The following ADAMTSL1 variants were observed in gnomAD, a reference collection of about 807,000 sequenced individuals.
ADAMTSL1 encodes the protein ADAMTS like 1.
ADAMTSL1 carries 126 observed loss-of-function variants against 201.8 expected under a neutral mutation model. The observed-to-expected ratio is 0.62, with a 90% CI of 0.54 to 0.72. The LOEUF is 0.72. ADAMTSL1 is among the 30% of genes least tolerant of loss of function. The pLI, the probability that ADAMTSL1 is intolerant of heterozygous loss-of-function variation, is 0.00. For synonymous variants in ADAMTSL1, 1,121 were observed against 903.4 expected, an observed-to-expected ratio of 1.24 and a Z score of -4.32; for missense variants, 2,679 against 2,277.8, an observed-to-expected ratio of 1.18 and a Z score of -3.59.
At chr9:18,000,573 A>G (rs1357425218) in intron 1 of ADAMTSL1, among the ~76,000 whole-genome samples, 1 of 151,994 alleles carries the variant, frequency 6.6e-6, no homozygotes, top group Non-Finnish European at 1.5e-5. Flanking sequence ...GCTTCTAGGA[A>G]TTTATAGGTG....
rs139460537 is a variant in ADAMTSL1 at position 18,613,584 on chromosome 9, C to T, written c.475-8659C>T. On this transcript the variant is annotated intron_variant, in intron 4 of 28. Transcript: ENST00000380548. ...GCAGGGACATGAATGGAGCTGGAGG[C>T]CATTATCCTTAACAAACTGACACAA... 9.2e-5 allele frequency among the ~76,000 whole-genome samples: 14 copies of T among 152,170 alleles called. No individual in the cohort carries two copies. The East Asian group carries it at 2.5e-3, about 27-fold the overall frequency.
In ADAMTSL1 at chr9:18,588,671, A is replaced by G. The variant is rs368463120; in HGVS notation, c.474+14405A>G. Among the ~76,000 whole-genome samples, 12 of 151,686 alleles carry G rather than the reference A, an allele frequency of 7.9e-5. No homozygotes were observed. The South Asian group carries it at 1.9e-3, about 24-fold the overall frequency. On this transcript the variant is annotated intron_variant, in intron 4 of 28. Coordinates refer to ENST00000380548, the MANE Select transcript of ADAMTSL1 (RefSeq NM_001040272.6). Reference sequence around the variant, plus strand: ...TGGGGCTCTAATTTTATTCTTCTGCATATTGATATCCAGTTTTCCCAGAAC... The same window carrying G: ...TGGGGCTCTAATTTTATTCTTCTGCGTATTGATATCCAGTTTTCCCAGAAC...
At chr9:18,358,352 T>C (rs1291582721) in intron 2 of ADAMTSL1, among the ~76,000 whole-genome samples, 3 of 152,158 alleles carry the variant, frequency 2.0e-5, no homozygotes, top group South Asian at 2.1e-4. Context: ...ATTAAGAACA[T>C]TTTTGCATTT....
intron 1 of ADAMTSL1, among the ~76,000 whole-genome samples, chr9:18,483,645 G>A (rs1258607730): frequency 6.6e-6 from 1 of 152,150 alleles, no homozygotes; most frequent in Non-Finnish European, 1.5e-5. Flanking sequence ...CGCTAACACG[G>A]TGAAACCCTA....
At chr9:18,500,839 T>C (rs777809519) in intron 1 of ADAMTSL1, among the ~76,000 whole-genome samples, 21 of 152,234 alleles carry the variant, frequency 1.4e-4, no homozygotes, top group Non-Finnish European at 2.5e-4. Context: ...AAGAACTTAA[T>C]AGTTGTTCTT....
At chr9:18,424,224 G>A (rs1434594543) in intron 2 of ADAMTSL1, among the ~76,000 whole-genome samples, 1 of 152,180 alleles carries the variant, frequency 6.6e-6, no homozygotes, top group South Asian at 2.1e-4. Flanking sequence ...ACTCTCTGAT[G>A]ACCCTCTCAG....
At chr9:18,249,580 T>C (rs1004141021) in intron 2 of ADAMTSL1, among the ~76,000 whole-genome samples, 3 of 152,186 alleles carry the variant, frequency 2.0e-5, no homozygotes, top group African/African-American at 7.2e-5. Context: ...GAAAAAAAAT[T>C]AGGCTACTTC....
chr9:18,623,154 C>A (rs535138841), intron 5 of ADAMTSL1, among the ~76,000 whole-genome samples: 1 of 152,102 alleles, frequency 6.6e-6, no homozygotes. Context: ...CCTCAGCCCC[C>A]CAAAGTGAGG....
At chr9:18,537,803 GT>G (rs1819869414) in intron 3 of ADAMTSL1, among the ~76,000 whole-genome samples, 1 of 150,934 alleles carries the variant, frequency 6.6e-6, no homozygotes, top group Non-Finnish European at 1.5e-5. Context: ...GAGCCCAGGA[GT>G]TTGAAGTTGC....
At chr9:18,657,950 A>G (rs1828808080) in intron 8 of ADAMTSL1, among the ~76,000 whole-genome samples, 200 bp downstream of exon 8, 1 of 151,216 alleles carries the variant, frequency 6.6e-6, no homozygotes, top group Admixed American at 6.6e-5. Context: ...TTCTGTCTGT[A>G]AAGTCCCATT....
intron 1 of ADAMTSL1, among the ~76,000 whole-genome samples, chr9:18,064,416 T>C (rs1194207159): frequency 6.6e-6 from 1 of 152,224 alleles, no homozygotes. Context: ...CTGTTTCTTT[T>C]GCTATTTACA....
chr9:18,115,351 G>A (rs548025130), intron 1 of ADAMTSL1, among the ~76,000 whole-genome samples: 1 of 152,280 alleles, frequency 6.6e-6, no homozygotes, highest in South Asian at 2.1e-4. Context: ...AGGCAGGCAG[G>A]AAGGCAGGCA....
rs78291060 is a variant in ADAMTSL1 at position 18,574,183 on chromosome 9, G to T, written c.391G>T (p.Val131Phe). 542 of 1,614,120 alleles carry T rather than the reference G, an allele frequency of 3.4e-4. 2 individuals carry two copies. In the African/African-American group the frequency reaches 5.9e-3, roughly 18 times the overall value. Residue 131 changes from valine (V) to phenylalanine (F), a missense_variant, in exon 4 of 29, where the codon GTT becomes TTT. Coordinates refer to ENST00000380548, the MANE Select transcript of ADAMTSL1 (RefSeq NM_001040272.6). ...LKCQAKGTTLVVELAPKVLDG... is the reference protein window; with the variant it reads ...LKCQAKGTTLFVELAPKVLDG... ...GTGCCAAGCCAAAGGAACAACCCTG[G>T]TTGTTGAACTAGCACCTAAGGTCTT...
intron 16 of ADAMTSL1, among the ~76,000 whole-genome samples, chr9:18,769,583 G>A (rs1253571158): frequency 2.0e-5 from 3 of 152,170 alleles, no homozygotes; most frequent in Non-Finnish European, 4.4e-5. Flanking sequence ...AGGAAGCCAG[G>A]CTTCTAACTT....
chr9:18,070,702 T>C (rs556223903), intron 1 of ADAMTSL1, among the ~76,000 whole-genome samples: 1 of 152,246 alleles, frequency 6.6e-6, no homozygotes, highest in African/African-American at 2.4e-5. Flanking sequence ...AGGAGTCTTA[T>C]AGCCAAACCA....
At chr9:18,528,910 C>G (rs949596325) in intron 2 of ADAMTSL1, among the ~76,000 whole-genome samples, 4 of 152,046 alleles carry the variant, frequency 2.6e-5, no homozygotes, top group African/African-American at 9.7e-5. Flanking sequence ...TTTTCATCCC[C>G]AGAGGTAAAT....
intron 4 of ADAMTSL1, among the ~76,000 whole-genome samples, chr9:18,612,533 T>A (rs1197686859): frequency 6.6e-6 from 1 of 152,126 alleles, no homozygotes; most frequent in Non-Finnish European, 1.5e-5. Context: ...ATACGCTTAA[T>A]AAATATCAAT....
chr9:18,639,489 T>C (rs1827311671), intron 7 of ADAMTSL1, 78 bp downstream of exon 7: 1 of 1,524,416 alleles, frequency 6.6e-7, no homozygotes, highest in Non-Finnish European at 8.9e-7. Context: ...CAGAGAGCGA[T>C]TTTTGGTTCT....
intron 1 of ADAMTSL1, among the ~76,000 whole-genome samples, chr9:17,985,317 A>G (rs1401948392): frequency 1.3e-5 from 2 of 152,104 alleles, no homozygotes; most frequent in African/African-American, 4.8e-5. Flanking sequence ...CCTTTTGTAT[A>G]TTTTCCAAAC....
Sources: allele counts gnomAD v4.1 joint callset (sites outside exome capture counted in the v4.1 genomes callset), GRCh38; gene constraint gnomAD v4.1.1; transcripts MANE v1.5; gene names NCBI Gene and HGNC (gene_info 2026-07-23, HGNC 2026-07-21).